Variants in SPICE1 observed in about 807,000 individuals in gnomAD.
SPICE1 encodes spindle and centriole associated protein 1, also known as spindle and centriole-associated protein 1.
In SPICE1, 75 loss-of-function variants were observed where a neutral mutation model predicts 102.7. The ratio of observed to expected loss-of-function variants is 0.73; its 90% confidence interval spans 0.61 to 0.88. SPICE1 has a LOEUF of 0.88. SPICE1 is among the 40% of genes least tolerant of loss of function. The probability of loss-of-function intolerance (pLI) is 0.00; values close to 1 mark genes in which losing one functional copy is unlikely to be tolerated. For synonymous variants in SPICE1, 308 were observed against 350.3 expected, an observed-to-expected ratio of 0.88 and a Z score of 1.35; for missense variants, 979 against 1,020.1, an observed-to-expected ratio of 0.96 and a Z score of 0.55.
intron 14 of SPICE1, 49 bp from the exon 15 acceptor site, chr3:113,450,565 A>C: frequency 6.6e-7 from 1 of 1,512,918 alleles, no homozygotes; most frequent in Non-Finnish European, 8.8e-7. Flanking sequence ...GAATACTGAA[A>C]AATCTCTCCC....
intron 7 of SPICE1, among the ~76,000 whole-genome samples, chr3:113,473,551 T>C (rs1402478928): frequency 1.3e-5 from 2 of 152,082 alleles, no homozygotes; most frequent in Non-Finnish European, 2.9e-5. Flanking sequence ...GTCGGGTTAC[T>C]GACAAAGGGA....
intron 1 of SPICE1, among the ~76,000 whole-genome samples, chr3:113,512,100 G>A (rs1937232687): frequency 6.6e-6 from 1 of 152,186 alleles, no homozygotes; most frequent in African/African-American, 2.4e-5. Flanking sequence ...CCAACGACTT[G>A]ATTACAGCTT....
At chr3:113,475,627 A>G (rs946309199) in intron 7 of SPICE1, among the ~76,000 whole-genome samples, 1 of 152,162 alleles carries the variant, frequency 6.6e-6, no homozygotes, top group Non-Finnish European at 1.5e-5. Context: ...AGGCTGGTTC[A>G]ATATACGCAA....
intron 5 of SPICE1, among the ~76,000 whole-genome samples, chr3:113,493,579 A>G (rs1936811022): frequency 6.6e-6 from 1 of 152,246 alleles, no homozygotes; most frequent in South Asian, 2.1e-4. Flanking sequence ...GCCCAGAGTA[A>G]CACTAATAGA....
intron 11 of SPICE1, among the ~76,000 whole-genome samples, chr3:113,461,142 G>C (rs1935924417): frequency 6.6e-6 from 1 of 151,680 alleles, no homozygotes; most frequent in African/African-American, 2.4e-5. Flanking sequence ...AGATACATGA[G>C]GTGGAGGAAA....
chr3:113,458,130 A>T (rs1935823192), intron 12 of SPICE1, among the ~76,000 whole-genome samples: 1 of 152,086 alleles, frequency 6.6e-6, no homozygotes, highest in South Asian at 2.1e-4. Context: ...CTTTTTCCAC[A>T]GGCAATAACA....
intron 7 of SPICE1, among the ~76,000 whole-genome samples, chr3:113,476,462 A>G (rs1209133947): frequency 2.7e-5 from 4 of 148,690 alleles, no homozygotes; most frequent in Admixed American, 6.6e-5. Flanking sequence ...ACCGAAAAAG[A>G]GCCTGCATCA....
intron 12 of SPICE1, among the ~76,000 whole-genome samples, chr3:113,459,129 GCT>G (rs550508118): frequency 1.6e-3 from 246 of 152,254 alleles, no homozygotes; most frequent in African/African-American, 5.5e-3. Context: ...CCAACCCCCT[GCT>G]CTCTGAAATA....
At chr3:113,460,484 T>G (rs1242239609) in intron 12 of SPICE1, 133 bp downstream of exon 12, 1 of 1,416,616 alleles carries the variant, frequency 7.1e-7, no homozygotes. Context: ...TAGTGGCAAC[T>G]GTAGTAGTGA....
intron 14 of SPICE1, among the ~76,000 whole-genome samples, chr3:113,451,454 A>G (rs576267129): frequency 6.6e-6 from 1 of 152,202 alleles, no homozygotes; most frequent in East Asian, 1.9e-4. Context: ...TTTTTAGCTT[A>G]TGTCTATTAG....
intron 4 of SPICE1, among the ~76,000 whole-genome samples, chr3:113,496,821 A>G (rs1936900670): frequency 6.6e-6 from 1 of 152,232 alleles, no homozygotes; most frequent in South Asian, 2.1e-4. Flanking sequence ...ACATTGAAAT[A>G]AAAGATGCAC....
rs1355450015 is a variant in SPICE1 at position 113,514,860 on chromosome 3, CG to C, written c.-1+36del. The C allele has an allele frequency of 1.1e-5, 13 of 1,225,860 alleles. No individual in the cohort carries two copies. In the African/African-American group the frequency reaches 2.0e-4, roughly 19 times the overall value. 75.9% of individuals were successfully genotyped at this position (1,225,860 alleles called of 1,614,324 possible). ...GCATACTCGAGGTGCTCTGGCGCCA[CG>C]CACAAACATACCCAGACACGCACCC... is the stretch of plus-strand genomic sequence containing the variant. On this transcript the variant is annotated intron_variant, in intron 1 of 17. Transcript: ENST00000295872.
chr3:113,493,130 A>G (rs1936800684), intron 6 of SPICE1, 76 bp downstream of exon 6: 2 of 1,084,048 alleles, frequency 1.8e-6, no homozygotes, highest in East Asian at 5.3e-5. Context: ...AACTTTTAAA[A>G]TATTTACCAC....
intron 7 of SPICE1, among the ~76,000 whole-genome samples, chr3:113,482,205 TG>T (rs1473159051): frequency 6.6e-6 from 1 of 152,242 alleles, no homozygotes; most frequent in Non-Finnish European, 1.5e-5. Flanking sequence ...GCTGCATAAA[TG>T]TCTTATTTGA....
chr3:113,493,382 C>T (rs1258768340), intron 5 of SPICE1, 70 bp from the exon 6 acceptor site: 2 of 1,211,972 alleles, frequency 1.7e-6, no homozygotes, highest in Non-Finnish European at 2.4e-6. Context: ...CTCTATACTG[C>T]CATTGGTTTG....
At chr3:113,510,859 AT>A (rs1937206625) in intron 1 of SPICE1, among the ~76,000 whole-genome samples, 2 of 152,188 alleles carry the variant, frequency 1.3e-5, no homozygotes, top group South Asian at 4.1e-4. Flanking sequence ...AAATTTTGCA[AT>A]CTCTCCATCT....
intron 6 of SPICE1, among the ~76,000 whole-genome samples, chr3:113,491,300 A>G (rs1300964812): frequency 7.1e-6 from 1 of 140,494 alleles, no homozygotes; most frequent in Non-Finnish European, 1.6e-5. Flanking sequence ...ATGCAGTTAC[A>G]ATTCATTTTT....
intron 1 of SPICE1, among the ~76,000 whole-genome samples, chr3:113,510,112 G>A (rs1199231590): frequency 1.3e-5 from 2 of 152,164 alleles, no homozygotes; most frequent in Admixed American, 1.3e-4. Flanking sequence ...GGATAATGAT[G>A]TCAGTGACAA....
rs1936127079 is a variant in SPICE1 at position 113,468,877 on chromosome 3, A to G, written c.774T>C (p.Ala258=). The change falls in exon 9 of 18, where the codon GCT becomes GCC. Residue 258 remains alanine (A), a synonymous_variant. Transcript: ENST00000295872. The stretch of plus-strand genomic sequence containing the variant: ...GAAGCCTGGTTTGGAGTCTCTTGAC[A>G]GCATTGGTAGCATTCAGAGCAGCTA... ...EQRAALNATN[A]VKRLQTRLQP... 1 of 1,613,076 alleles carries G rather than the reference A, an allele frequency of 6.2e-7. No homozygotes were observed. Among genetic ancestry groups the G allele is most frequent in the Non-Finnish European group, 8.5e-7 (1 of 1,179,804 alleles).
Sources: allele counts gnomAD v4.1 joint callset (sites outside exome capture counted in the v4.1 genomes callset), GRCh38; gene constraint gnomAD v4.1.1; transcripts MANE v1.5; gene names NCBI Gene and HGNC (gene_info 2026-07-23, HGNC 2026-07-21).